FOCAD: variants seen among roughly 807,000 people sequenced by gnomAD.
FOCAD encodes KIAA1797.
A neutral mutation model predicts 225.6 loss-of-function variants in FOCAD; 198 were observed. The ratio of observed to expected loss-of-function variants is 0.88; its 90% CI spans 0.78 to 0.99. FOCAD has a LOEUF of 0.99. FOCAD is among the 50% of genes least tolerant of loss of function. The pLI is 0.00. For missense variants in FOCAD, 2,713 were observed against 2,123.6 expected (o/e 1.28, Z -5.46); for synonymous variants, 897 against 755.0 (o/e 1.19, Z -3.08).
At chr9:20,797,455 A>G (rs1821246529) in intron 11 of FOCAD, among the ~76,000 whole-genome samples, 1 of 152,050 alleles carries the variant, frequency 6.6e-6, no homozygotes, top group Non-Finnish European at 1.5e-5. Context: ...ATGAGCATGG[A>G]ATGTTTTTCC....
intron 15 of FOCAD, among the ~76,000 whole-genome samples, chr9:20,835,898 TAAG>T (rs1325352468): frequency 6.6e-6 from 1 of 152,044 alleles, no homozygotes; most frequent in Non-Finnish European, 1.5e-5. Flanking sequence ...GAGCAATAGA[TAAG>T]GAGGAGGGGC....
intron 15 of FOCAD, among the ~76,000 whole-genome samples, chr9:20,843,872 C>T (rs978733323): frequency 1.3e-5 from 2 of 151,964 alleles, no homozygotes; most frequent in African/African-American, 4.8e-5. Flanking sequence ...CAGTATTTAG[C>T]CATGGAAAAT....
At chr9:20,968,599 G>T (rs527679572) in intron 35 of FOCAD, among the ~76,000 whole-genome samples, 28 of 151,600 alleles carry the variant, frequency 1.8e-4, no homozygotes, top group Middle Eastern at 6.8e-3. Context: ...CTGCCACCAT[G>T]CCCAGCTAAT....
At chr9:20,735,839 T>A (rs1827115664) in intron 4 of FOCAD, among the ~76,000 whole-genome samples, 1 of 20,812 alleles carries the variant, frequency 4.8e-5, no homozygotes, top group Admixed American at 7.8e-4. Context: ...AATTGTTTTA[T>A]CTTTAAAAAA....
chr9:20,967,062 G>C (rs955015772), intron 35 of FOCAD, among the ~76,000 whole-genome samples: 5 of 151,948 alleles, frequency 3.3e-5, no homozygotes, highest in African/African-American at 1.2e-4. Context: ...CAGTGGAGAG[G>C]ACTCTTGGAA....
intron 11 of FOCAD, among the ~76,000 whole-genome samples, chr9:20,814,726 C>CT (rs1487375421): frequency 6.6e-6 from 1 of 152,072 alleles, no homozygotes; most frequent in Admixed American, 6.6e-5. Flanking sequence ...ACATCAATAT[C>CT]TAACAATATT....
intron 4 of FOCAD, among the ~76,000 whole-genome samples, chr9:20,721,855 C>T (rs935723012): frequency 2.7e-5 from 4 of 145,616 alleles, no homozygotes; most frequent in South Asian, 4.6e-4. Context: ...TAATTTTGCC[C>T]TGTTCTGCCC....
intron 15 of FOCAD, among the ~76,000 whole-genome samples, chr9:20,836,656 T>C (rs1426182748): frequency 6.6e-6 from 1 of 152,100 alleles, no homozygotes; most frequent in African/African-American, 2.4e-5. Flanking sequence ...ATTTTTAACT[T>C]TAAAAGGACA....
intron 5 of FOCAD, among the ~76,000 whole-genome samples, chr9:20,751,790 C>G (rs956529780): frequency 1.3e-5 from 2 of 148,354 alleles, no homozygotes; most frequent in Non-Finnish European, 3.0e-5. Flanking sequence ...TAAAAGTGTT[C>G]CTATTACTCC....
At chr9:20,848,237 G>A (rs1313627924) in intron 15 of FOCAD, among the ~76,000 whole-genome samples, 3 of 152,026 alleles carry the variant, frequency 2.0e-5, no homozygotes, top group East Asian at 1.9e-4. Flanking sequence ...GACAAAATGG[G>A]CATGATTTGA....
chr9:20,671,386 T>G (rs2131279105), intron 2 of FOCAD, among the ~76,000 whole-genome samples: 1 of 152,302 alleles, frequency 6.6e-6, no homozygotes, highest in East Asian at 1.9e-4. Context: ...AATCCTGTTA[T>G]CTCATACCAG....
At chr9:20,847,378 C>T (rs1414181418) in intron 15 of FOCAD, among the ~76,000 whole-genome samples, 4 of 151,944 alleles carry the variant, frequency 2.6e-5, no homozygotes. Context: ...TTTCAAGGTT[C>T]ATGCACGTTG....
At chr9:20,670,035 A>C (rs1822013398) in intron 2 of FOCAD, among the ~76,000 whole-genome samples, 1 of 152,232 alleles carries the variant, frequency 6.6e-6, no homozygotes, top group South Asian at 2.1e-4. Flanking sequence ...TGCAAGCCCT[A>C]TGATGGCAGC....
Position 20,993,270 on chromosome 9 carries a change from C to T in FOCAD, c.5274C>T (p.Phe1758=). 1.2e-6 allele frequency: 2 copies of T among 1,613,818 alleles called. No homozygotes were observed. The highest frequency in any genetic ancestry group is 1.7e-6 in the Non-Finnish European group (2 of 1,179,774). ...EQTQKFIDWL[F]SIMESPKEAL... ...TACCCTAGTTCATTGACTGGCTATT[C>T]AGCATCATGGAAAGCCCTAAAGAAG... Residue 1758 remains phenylalanine (F), a synonymous_variant, in exon 43 of 44, where the codon TTC becomes TTT. Coordinates refer to ENST00000338382, the MANE Select transcript of FOCAD (RefSeq NM_001375567.1).
chr9:20,838,331 C>T (rs1472778012), intron 15 of FOCAD, among the ~76,000 whole-genome samples: 3 of 151,438 alleles, frequency 2.0e-5, no homozygotes, highest in Admixed American at 2.0e-4. Flanking sequence ...TCACAATAGC[C>T]TGGTGGAATG....
Position 20,979,962 on chromosome 9 carries a change from C to A in FOCAD, c.4378-1464C>A, listed in dbSNP as rs377355772. Among the ~76,000 whole-genome samples, 3 of 152,118 alleles carry A rather than the reference C, an allele frequency of 2.0e-5. No homozygotes were observed. In the East Asian group the frequency reaches 5.8e-4, roughly 29 times the overall value. On this transcript the variant is annotated intron_variant, in intron 37 of 43. Transcript: ENST00000338382. ...AATGTGATGAATTTGAGTACCTTTA[C>A]AGGTTTTTCAATCATCACCAAGAAT...
chr9:20,763,878 G>A (rs114127507), intron 6 of FOCAD, among the ~76,000 whole-genome samples: 6 of 152,152 alleles, frequency 3.9e-5, no homozygotes, highest in Admixed American at 6.5e-5. Context: ...TTTGGACTAG[G>A]AGTTTTCAGG....
At chr9:20,674,726 T>G (rs1326171485) in intron 2 of FOCAD, among the ~76,000 whole-genome samples, 4 of 152,246 alleles carry the variant, frequency 2.6e-5, no homozygotes, top group African/African-American at 9.6e-5. Context: ...TATTTGACTT[T>G]GCTCTGTATA....
intron 39 of FOCAD, among the ~76,000 whole-genome samples, chr9:20,984,739 C>T (rs1840997880): frequency 6.6e-6 from 1 of 152,156 alleles, no homozygotes; most frequent in African/African-American, 2.4e-5. Flanking sequence ...AGTCTTTTCA[C>T]ATAATTACGG....
Sources: allele counts gnomAD v4.1 joint callset (sites outside exome capture counted in the v4.1 genomes callset), GRCh38; gene constraint gnomAD v4.1.1; transcripts MANE v1.5; gene names NCBI Gene and HGNC (gene_info 2026-07-23, HGNC 2026-07-21).